RP1: variants seen among roughly 807,000 people sequenced by gnomAD.
RP1 encodes RP1 axonemal microtubule associated.
A neutral mutation model predicts 14.8 loss-of-function variants in RP1; 16 were observed. The observed-to-expected ratio is 1.08, with a 90% CI of 0.73 to 1.65. The LOEUF (loss-of-function observed/expected upper bound fraction) is 1.65, where lower values mean the gene tolerates loss of function less well. Among genes scored for constraint, RP1 ranks in the 40% most tolerant of loss-of-function variants. RP1 has a pLI of 0.00. For missense variants in RP1, 2,631 were observed against 2,535.0 expected (o/e 1.04, Z -0.81); for synonymous variants, 876 against 883.6 (o/e 0.99, Z 0.15).
At chr8:54,612,697 A>G (rs1447749954), upstream of RP1, among the ~76,000 whole-genome samples, 2 of 152,238 alleles carry the variant, frequency 1.3e-5, no homozygotes, top group African/African-American at 4.8e-5. Context: ...TTAAAGCCAA[A>G]GTATTTACCA....
At chr8:54,864,962 AT>A (rs1812426675) in intron 27 of RP1, among the ~76,000 whole-genome samples, 1 of 152,198 alleles carries the variant, frequency 6.6e-6, no homozygotes, top group South Asian at 2.1e-4. Flanking sequence ...TCTTTATGAT[AT>A]CTTCCTACTT....
intron 1 of RP1, among the ~76,000 whole-genome samples, chr8:54,584,673 A>G (rs1475080775): frequency 6.6e-6 from 1 of 152,068 alleles, no homozygotes; most frequent in African/African-American, 2.4e-5. Flanking sequence ...TGCTTTATGA[A>G]TCTGGGTGCT....
chr8:54,708,741 T>C (rs1165605705), intron 15 of RP1, among the ~76,000 whole-genome samples: 1 of 151,648 alleles, frequency 6.6e-6, no homozygotes, highest in Non-Finnish European at 1.5e-5. Flanking sequence ...CTCAGTGTGC[T>C]GGTTATCTTT....
chr8:54,663,696 CAGTGACAATATATGA>C lies in RP1; in HGVS notation c.1175_1189del (p.Thr392_Val396del). The stretch of plus-strand genomic sequence containing the variant: ...CTGAAAGTTTTTTTTCTTATGTTGT[CAGTGACAATATATGA>C]AGTGAATGTGGCAACGGGTGAGCTA... On this transcript the variant is annotated splice_acceptor_variant and coding_sequence_variant, in exon 7 of 23. Transcript: ENST00000636932. LOFTEE classifies it high-confidence loss of function. 6.6e-7 allele frequency: 1 copy of C among 1,509,878 alleles called. No homozygotes were observed. Among genetic ancestry groups the C allele is most frequent in the Non-Finnish European group, 8.8e-7 (1 of 1,138,236 alleles). The allele number at this position is 1,509,878 out of a possible 1,614,324, so 93.5% of individuals were successfully genotyped here.
At chr8:54,677,585 A>C (rs1585599205) in intron 8 of RP1, among the ~76,000 whole-genome samples, 1 of 151,932 alleles carries the variant, frequency 6.6e-6, no homozygotes, top group South Asian at 2.1e-4. Flanking sequence ...AAATTAGCTG[A>C]GCATGGTGGT....
At chr8:54,791,527 CAAT>C (rs1810465647) in intron 24 of RP1, among the ~76,000 whole-genome samples, 1 of 151,958 alleles carries the variant, frequency 6.6e-6, no homozygotes, top group South Asian at 2.1e-4. Flanking sequence ...TAACTAACAA[CAAT>C]AACTTGCTAT....
chr8:54,708,353 G>GTTTTT (rs529900167), intron 15 of RP1, among the ~76,000 whole-genome samples: 8 of 144,164 alleles, frequency 5.5e-5, no homozygotes, highest in Non-Finnish European at 4.6e-5. Flanking sequence ...GTGATTTCTG[G>GTTTTT]TTTTTTTTTT....
exon 26 of RP1, chr8:54,852,626 A>T (rs1390221261): frequency 8.1e-7 from 1 of 1,232,008 alleles, no homozygotes; most frequent in Non-Finnish European, 1.0e-6. Flanking sequence ...GTGCAGAAAC[A>T]GAGTCTAATG....
intron 24 of RP1, among the ~76,000 whole-genome samples, chr8:54,812,198 T>C (rs1811014650): frequency 6.6e-6 from 1 of 152,212 alleles, no homozygotes; most frequent in Non-Finnish European, 1.5e-5. Flanking sequence ...TGGAGTGCAG[T>C]GGTGTGATCT....
chr8:54,804,028 A>T, intron 24 of RP1, among the ~76,000 whole-genome samples: 1 of 152,126 alleles, frequency 6.6e-6, no homozygotes, highest in Non-Finnish European at 1.5e-5. Context: ...AGATCACCCC[A>T]CTGCACTCCA....
intron 12 of RP1, among the ~76,000 whole-genome samples, chr8:54,693,501 T>A (rs1197492305): frequency 6.6e-6 from 1 of 152,166 alleles, no homozygotes; most frequent in African/African-American, 2.4e-5. Context: ...CGTTGAGCAG[T>A]GGTTTGTAGT....
intron 1 of RP1, among the ~76,000 whole-genome samples, chr8:54,559,754 G>A (rs191014671): frequency 8.5e-5 from 13 of 152,166 alleles, no homozygotes; most frequent in East Asian, 3.9e-4. Context: ...AGTGGGTCAC[G>A]TTCGGGCAGG....
chr8:54,803,853 A>G (rs1436071006), intron 24 of RP1, among the ~76,000 whole-genome samples: 2 of 152,150 alleles, frequency 1.3e-5, no homozygotes, highest in Non-Finnish European at 2.9e-5. Context: ...GTGGATCATG[A>G]GGTCAGGAGT....
chr8:54,707,798 C>T (rs899943921), intron 15 of RP1, among the ~76,000 whole-genome samples: 3 of 152,126 alleles, frequency 2.0e-5, no homozygotes, highest in Non-Finnish European at 2.9e-5. Context: ...AATGCAAAGG[C>T]GAAGCACATG....
At chr8:54,581,994 C>A (rs1399114884) in intron 1 of RP1, among the ~76,000 whole-genome samples, 2 of 152,130 alleles carry the variant, frequency 1.3e-5, no homozygotes, top group Non-Finnish European at 2.9e-5. Flanking sequence ...TGTGCAGAAG[C>A]TCTTTAGTTT....
chr8:54,827,839 A>G (rs2129399983), intron 24 of RP1, among the ~76,000 whole-genome samples: 1 of 151,932 alleles, frequency 6.6e-6, no homozygotes, highest in South Asian at 2.1e-4. Context: ...CGGAGGTAGC[A>G]GTAAGCTGAG....
intron 12 of RP1, among the ~76,000 whole-genome samples, chr8:54,691,966 C>T (rs886690095): frequency 2.0e-5 from 3 of 151,906 alleles, no homozygotes; most frequent in Admixed American, 1.3e-4. Flanking sequence ...TCGCTCCCCC[C>T]TCCCCCAACC....
chr8:54,654,579 A>C (rs1000066443), intron 5 of RP1, among the ~76,000 whole-genome samples: 1 of 152,192 alleles, frequency 6.6e-6, no homozygotes, highest in East Asian at 1.9e-4. Flanking sequence ...CTTAACATGC[A>C]TTTATAAATG....
Position 54,621,337 on chromosome 8 carries a change from C to T in RP1, c.371C>T (p.Pro124Leu), listed in dbSNP as rs1364913814. Residue 124 changes from proline to leucine, a missense_variant, in exon 2 of 4, where the codon CCG (proline) becomes CTG (leucine). By Grantham distance (98) the Pro-to-Leu change is moderately conservative. Transcript: ENST00000220676. ...GACCTGGACAAAGCCCGTCGGCGCC[C>T]GCGGCCCTGGCTCAGCAGCCGGGCC... Reference protein sequence around the residue: ...PVDLDKARRRPRPWLSSRAIS... With the variant: ...PVDLDKARRRLRPWLSSRAIS... 1.2e-6 allele frequency: 2 copies of T among 1,611,776 alleles called. No individual in the cohort carries two copies. Among genetic ancestry groups the T allele is most frequent in the Non-Finnish European group, 1.7e-6 (2 of 1,178,936 alleles).
Sources: allele counts gnomAD v4.1 joint callset (sites outside exome capture counted in the v4.1 genomes callset), GRCh38; gene constraint gnomAD v4.1.1; transcripts MANE v1.5; gene names NCBI Gene and HGNC (gene_info 2026-07-23, HGNC 2026-07-21).